The following SPIDR variants were observed in gnomAD, a reference collection of about 807,000 sequenced individuals.
SPIDR encodes DNA repair-scaffolding protein.
SPIDR carries 93 observed loss-of-function variants against 104.6 expected under a neutral mutation model. The observed-to-expected ratio is 0.89, with a 90% CI of 0.75 to 1.06. SPIDR has a LOEUF of 1.06. Ranked by LOEUF, SPIDR falls within the 50% of genes least tolerant of loss-of-function variation. The pLI, the probability that SPIDR is intolerant of heterozygous loss-of-function variation, is 0.00. For synonymous variants in SPIDR, 431 were observed against 416.9 expected, an observed-to-expected ratio of 1.03 and a Z score of -0.41; for missense variants, 1,154 against 1,111.2, an observed-to-expected ratio of 1.04 and a Z score of -0.55.
At chr8:47,633,558 G>GAAGA (rs1554527365) in intron 10 of SPIDR, among the ~76,000 whole-genome samples, 1 of 134,322 alleles carries the variant, frequency 7.4e-6, no homozygotes, top group Non-Finnish European at 1.6e-5. Flanking sequence ...GCAAATGATT[G>GAAGA]AAAAAAAAAA....
chr8:47,480,700 A>G (rs2076808957), intron 8 of SPIDR, among the ~76,000 whole-genome samples: 2 of 152,200 alleles, frequency 1.3e-5, no homozygotes, highest in Admixed American at 1.3e-4. Flanking sequence ...TTCAGAGTTT[A>G]TATGAGGCAC....
At chr8:47,423,438 A>G (rs782325628) in intron 7 of SPIDR, among the ~76,000 whole-genome samples, 2 of 152,002 alleles carry the variant, frequency 1.3e-5, no homozygotes, top group Non-Finnish European at 2.9e-5. Flanking sequence ...AAAAAGTACT[A>G]AAAATACAGA....
chr8:47,716,336 C>T (rs1331267354), intron 16 of SPIDR, among the ~76,000 whole-genome samples: 1 of 152,162 alleles, frequency 6.6e-6, no homozygotes, highest in Non-Finnish European at 1.5e-5. Context: ...TTACCTATAA[C>T]TAGTTCCTGA....
intron 10 of SPIDR, among the ~76,000 whole-genome samples, chr8:47,634,473 A>C (rs984033495): frequency 2.6e-5 from 4 of 152,172 alleles, no homozygotes; most frequent in African/African-American, 9.7e-5. Flanking sequence ...AAAAAAAAAA[A>C]TGAAAAAAGA....
chr8:47,330,670 T>G, intron 5 of SPIDR: 1 of 429,008 alleles, frequency 2.3e-6, no homozygotes, highest in South Asian at 1.6e-5. Flanking sequence ...TTCCTCCATG[T>G]CTTTTCATAG....
chr8:47,647,649 AGAGAG>A (rs1563416052), intron 10 of SPIDR, among the ~76,000 whole-genome samples: 59 of 142,836 alleles, frequency 4.1e-4, no homozygotes, highest in Admixed American at 3.9e-3. Context: ...AGAGAGAGAG[AGAGAG>A]GGAGAGAGAG....
chr8:47,410,740 T>G (rs2063399277), intron 7 of SPIDR, among the ~76,000 whole-genome samples: 1 of 152,112 alleles, frequency 6.6e-6, no homozygotes. Flanking sequence ...ATATGTGCCA[T>G]GTTGGTGTGC....
chr8:47,512,204 A>T (rs1586929193), intron 8 of SPIDR: 1 of 334,956 alleles, frequency 3.0e-6, no homozygotes, highest in African/African-American at 2.1e-5. Context: ...AGCATCCTTG[A>T]GTGGGACTTT....
intron 8 of SPIDR, among the ~76,000 whole-genome samples, chr8:47,447,097 A>G (rs1585856252): frequency 1.3e-5 from 2 of 152,348 alleles, no homozygotes; most frequent in East Asian, 1.9e-4. Context: ...GGAAAAAGCA[A>G]GAGAACTCAA....
At chr8:47,733,731 T>C (rs2085672205) in intron 19 of SPIDR, among the ~76,000 whole-genome samples, 1 of 152,070 alleles carries the variant, frequency 6.6e-6, no homozygotes, top group African/African-American at 2.4e-5. Context: ...CATGGGATCA[T>C]AATAAACCCC....
chr8:47,379,497 T>A (rs1554644253), intron 5 of SPIDR, among the ~76,000 whole-genome samples: 4 of 152,172 alleles, frequency 2.6e-5, no homozygotes. Flanking sequence ...ATCACTGCCC[T>A]CCAGCCTGGG....
chr8:47,713,628 C>G lies in SPIDR; in HGVS notation c.2328C>G (p.Ile776Met). The G allele has an allele frequency of 6.2e-7, 1 of 1,614,164 alleles. No individual in the cohort carries two copies. The highest frequency in any genetic ancestry group is 2.2e-5 in the East Asian group (1 of 44,890). The change falls in exon 16 of 20, where the codon ATC becomes ATG. Residue 776 changes from isoleucine to methionine, a missense_variant. Transcript: ENST00000297423. Reference protein sequence around the residue: ...SLDSATPVNSICSVQGTVVGV... With the variant: ...SLDSATPVNSMCSVQGTVVGV... Reference sequence around the variant, plus strand: ...ACTCTGCAACACCTGTCAACTCCATCTGCAGTGTTCAAGGTAGGCAGCCAT... The same window carrying G: ...ACTCTGCAACACCTGTCAACTCCATGTGCAGTGTTCAAGGTAGGCAGCCAT...
intron 7 of SPIDR, among the ~76,000 whole-genome samples, chr8:47,439,964 G>A (rs1554695185): frequency 2.0e-5 from 3 of 152,160 alleles, no homozygotes; most frequent in Non-Finnish European, 4.4e-5. Context: ...AATCCACAGT[G>A]GCCATATTCT....
At chr8:47,672,875 G>A (rs1361661278) in intron 10 of SPIDR, among the ~76,000 whole-genome samples, 1 of 152,112 alleles carries the variant, frequency 6.6e-6, no homozygotes, top group African/African-American at 2.4e-5. Context: ...ATATATTTCT[G>A]CTTCTCTTGC....
chr8:47,625,745 A>G (rs1031928360), intron 10 of SPIDR, among the ~76,000 whole-genome samples: 3 of 152,102 alleles, frequency 2.0e-5, no homozygotes, highest in Non-Finnish European at 2.9e-5. Context: ...AGAGGATACA[A>G]ACAAATGGAA....
intron 8 of SPIDR, among the ~76,000 whole-genome samples, chr8:47,562,490 C>T (rs1208878428): frequency 5.3e-5 from 8 of 152,134 alleles, no homozygotes; most frequent in Admixed American, 6.5e-5. Flanking sequence ...TCTGCACCCT[C>T]GGCCCCCATG....
chr8:47,441,013 G>A (rs2069319083), intron 8 of SPIDR, among the ~76,000 whole-genome samples: 1 of 152,182 alleles, frequency 6.6e-6, no homozygotes, highest in African/African-American at 2.4e-5. Flanking sequence ...AGGATACTAT[G>A]TGTGCTGTCT....
intron 8 of SPIDR, among the ~76,000 whole-genome samples, chr8:47,470,606 A>G (rs2075556347): frequency 6.6e-6 from 1 of 152,206 alleles, no homozygotes; most frequent in South Asian, 2.1e-4. Flanking sequence ...CAAGGGCACT[A>G]TGATCATTCA....
intron 8 of SPIDR, among the ~76,000 whole-genome samples, chr8:47,561,252 C>A (rs960347765): frequency 6.6e-6 from 1 of 152,218 alleles, no homozygotes; most frequent in Non-Finnish European, 1.5e-5. Flanking sequence ...GGCAGCATAG[C>A]AGGTAGAAAA....
Sources: allele counts gnomAD v4.1 joint callset (sites outside exome capture counted in the v4.1 genomes callset), GRCh38; gene constraint gnomAD v4.1.1; transcripts MANE v1.5; gene names NCBI Gene and HGNC (gene_info 2026-07-23, HGNC 2026-07-21).